The following GNE variants were observed in gnomAD, a reference collection of about 807,000 sequenced individuals.
The protein encoded by GNE is glucosamine (UDP-N-acetyl)-2-epimerase/N-acetylmannosamine kinase, also known as bifunctional UDP-N-acetylglucosamine 2-epimerase/N-acetylmannosamine kinase.
Under a neutral mutation model 61.8 loss-of-function variants are expected in GNE, and 41 were observed. The observed-to-expected ratio is 0.66, with a 90% confidence interval of 0.52 to 0.86. The LOEUF is 0.86. Among genes scored for constraint, GNE ranks in the 40% least tolerant of loss-of-function variants. The pLI is 0.00. For missense variants in GNE, 608 were observed against 909.1 expected (o/e 0.67, Z 4.26); for synonymous variants, 264 against 326.4 (o/e 0.81, Z 2.06).
At position 36,249,302 on chromosome 9, in the gene GNE, G is replaced by A. The variant is rs1406781067; in HGVS notation, c.54C>T (p.Asn18=). 6.2e-7 allele frequency: 1 copy of A among 1,613,732 alleles called. No individual in the cohort carries two copies. The highest frequency in any genetic ancestry group is 1.7e-5 in the Admixed American group (1 of 60,006). The change falls in exon 2 of 12, where the codon AAC becomes AAT. Residue 18 remains asparagine (N), a synonymous_variant. Transcript: ENST00000642385. ...GGGCAAGTTTAGAATAATCTGCACG[G>A]TTACAAGTAGCAACACAAACCCGCA... The part of the protein sequence containing the change: ...RKLRVCVATC[N]RADYSKLAPI...
intron 1 of GNE, among the ~76,000 whole-genome samples, chr9:36,266,270 C>A (rs114464554): frequency 1.3e-5 from 2 of 152,198 alleles, no homozygotes; most frequent in Non-Finnish European, 2.9e-5. Context: ...CTGGCCAGTA[C>A]CAGTCCATGG....
intron 1 of GNE, among the ~76,000 whole-genome samples, chr9:36,276,526 A>G (rs1350429666): frequency 6.6e-6 from 1 of 152,214 alleles, no homozygotes; most frequent in Non-Finnish European, 1.5e-5. Context: ...TCAAAAGGGA[A>G]GGAAACAAAA....
rs373125680 is a variant in GNE at position 36,237,489 on chromosome 9, AG to A, written c.617-506del. Among the ~76,000 whole-genome samples the A allele has an allele frequency of 4.9e-3, 747 of 152,240 alleles. 7 individuals carry two copies. The highest frequency in any genetic ancestry group is 0.016 in the African/African-American group (681 of 41,542). On this transcript the variant is annotated intron_variant, in intron 3 of 11. Coordinates refer to ENST00000642385, the MANE Select transcript of GNE (RefSeq NM_005476.7). ...TCTAACTCTGTTAAAGGACTAGGAG[AG>A]TTTCGCTCATCCCTAGGCTGGGATC...
intron 7 of GNE, among the ~76,000 whole-genome samples, chr9:36,226,767 G>A (rs149360934): frequency 3.0e-4 from 46 of 152,276 alleles, no homozygotes; most frequent in African/African-American, 1.1e-3. Flanking sequence ...TCAACACTGG[G>A]TGATGGTTTG....
chr9:36,250,972 C>T (rs1209242307), intron 1 of GNE, among the ~76,000 whole-genome samples: 1 of 152,132 alleles, frequency 6.6e-6, no homozygotes, highest in Non-Finnish European at 1.5e-5. Context: ...AGAGCCATTG[C>T]GCCCGGCCTC....
Position 36,214,576 on chromosome 9 carries a change from C to T in GNE, c.*2789G>A, listed in dbSNP as rs140396892. 64 of 152,242 alleles carry T rather than the reference C, an allele frequency of 4.2e-4. No homozygotes were observed. In the East Asian group the frequency reaches 0.01, roughly 25 times the overall value. The allele number at this position is 152,242 out of a possible 1,614,324, so 9.4% of individuals were successfully genotyped here. A position where few individuals can be genotyped will look rare whatever the true frequency, so the allele number is the denominator to read the frequency against. The stretch of plus-strand genomic sequence containing the variant: ...TTTACGTTGGAATATATTAGCCTTC[C>T]CATGAGTTTAATAAAAACTAATATT... On this transcript the variant is annotated 3_prime_UTR_variant, in exon 12 of 12. Coordinates refer to ENST00000642385, the MANE Select transcript of GNE (RefSeq NM_005476.7).
intron 1 of GNE, among the ~76,000 whole-genome samples, chr9:36,257,802 CAAAAAAAAAA>C (rs60845805): frequency 4.8e-3 from 120 of 25,240 alleles, no homozygotes; most frequent in South Asian, 9.7e-3. Context: ...GACTCAGTCT[CAAAAAAAAAA>C]AAAAAAAAAA....
chr9:36,221,148 T>G (rs10972794), intron 9 of GNE, among the ~76,000 whole-genome samples: 1,616 of 152,120 alleles, frequency 0.011, 33 homozygotes, highest in African/African-American at 0.037. Context: ...TGGTGAAACC[T>G]TGTCTCTACT....
chr9:36,252,121 G>T (rs1830128083), intron 1 of GNE, among the ~76,000 whole-genome samples: 1 of 151,854 alleles, frequency 6.6e-6, no homozygotes, highest in Non-Finnish European at 1.5e-5. Flanking sequence ...GAGTAGCTGG[G>T]ATTACATGCA....
chr9:36,226,265 T>C lies in GNE; in HGVS notation c.1281+983A>G, dbSNP rs142872428. 8.8e-3 allele frequency among the ~76,000 whole-genome samples: 1,336 copies of C among 152,126 alleles called. 17 individuals are homozygous for C. The highest frequency in any genetic ancestry group is 0.029 in the African/African-American group (1,206 of 41,520). Reference sequence around the variant, plus strand: ...TTGGCTCACTGTAATCTCCACCTCCTGGGTTCAAGCGATTCTCCTGCCTCA... The same window carrying C: ...TTGGCTCACTGTAATCTCCACCTCCCGGGTTCAAGCGATTCTCCTGCCTCA... On this transcript the variant is annotated intron_variant, in intron 7 of 11. Transcript: ENST00000642385.
At chr9:36,259,683 C>T (rs1830541771), upstream of GNE, among the ~76,000 whole-genome samples, 1 of 152,130 alleles carries the variant, frequency 6.6e-6, no homozygotes, top group African/African-American at 2.4e-5. Context: ...GTTTTTGAGA[C>T]AGGGTCCCAC....
In GNE at chr9:36,246,158, A is replaced by G. The variant is rs767396957; in HGVS notation, c.489T>C (p.Ser163=). Residue 163 remains serine (S), a synonymous_variant, in exon 3 of 12, where the codon AGT becomes AGC. Coordinates refer to ENST00000642385, the MANE Select transcript of GNE (RefSeq NM_005476.7). ...LAHYHVCCTR[S]AEQHLISMCE... ...ACATGGATATCAGGTGCTGCTCTGC[A>G]CTGCGGGTGCAGCACACATGATAAT... 2.5e-6 allele frequency: 4 copies of G among 1,613,900 alleles called. No individual in the cohort carries two copies. The highest frequency in any genetic ancestry group is 3.4e-6 in the Non-Finnish European group (4 of 1,179,730).
At chr9:36,253,326 A>G (rs10972805) in intron 1 of GNE, among the ~76,000 whole-genome samples, 33,393 of 150,442 alleles carry the variant, frequency 0.22, 4,685 homozygotes, top group Non-Finnish European at 0.31. Context: ...CCCAGGCTAG[A>G]GTGCAGTGAC....
At chr9:36,233,641 T>C (rs1829270666) in intron 5 of GNE, among the ~76,000 whole-genome samples, 1 of 149,810 alleles carries the variant, frequency 6.7e-6, no homozygotes, top group African/African-American at 2.5e-5. Context: ...CACCCCAGCC[T>C]GGGCGACAGA....
exon 1 of GNE, chr9:36,276,977 T>A (rs1465810755): frequency 1.2e-6 from 2 of 1,613,412 alleles, no homozygotes; most frequent in Non-Finnish European, 1.7e-6. Context: ...CTAGTGTGGT[T>A]TGAAATAATG....
chr9:36,232,022 G>A (rs1829176884), intron 5 of GNE, among the ~76,000 whole-genome samples: 1 of 152,010 alleles, frequency 6.6e-6, no homozygotes, highest in South Asian at 2.1e-4. Context: ...ATCATTAAAG[G>A]AAAAAGAACT....
intron 1 of GNE, among the ~76,000 whole-genome samples, chr9:36,252,583 T>C (rs910897903): frequency 2.6e-5 from 4 of 152,140 alleles, no homozygotes; most frequent in Admixed American, 6.6e-5. Context: ...AATACAACAA[T>C]GTTACCTAGA....
chr9:36,254,745 A>C (rs765987844), intron 1 of GNE, among the ~76,000 whole-genome samples: 63 of 152,160 alleles, frequency 4.1e-4, no homozygotes, highest in Admixed American at 7.9e-4. Flanking sequence ...TGAGGCCAGG[A>C]GTTCAAGACC....
At chr9:36,270,491 G>C (rs1273133751) in intron 1 of GNE, among the ~76,000 whole-genome samples, 1 of 151,644 alleles carries the variant, frequency 6.6e-6, no homozygotes, top group African/African-American at 2.4e-5. Flanking sequence ...AGCTACTTGG[G>C]AGGCTGAGAC....
Sources: gnomAD v4.1 joint callset for allele counts (sites outside exome capture counted in the v4.1 genomes callset) on GRCh38, gnomAD v4.1.1 for gene constraint, MANE v1.5 for transcripts, NCBI Gene and HGNC (gene_info 2026-07-23, HGNC 2026-07-21) for gene names.